STIM1: variants seen among roughly 807,000 people sequenced by gnomAD.
STIM1 encodes the protein stromal interaction molecule 1.
A neutral mutation model predicts 74.7 loss-of-function variants in STIM1; 25 were observed. The observed-to-expected ratio is 0.33, with a 90% confidence interval of 0.24 to 0.47. The LOEUF (loss-of-function observed/expected upper bound fraction) is 0.47, where lower values mean the gene tolerates loss of function less well. Among genes scored for constraint, STIM1 ranks in the 20% least tolerant of loss-of-function variants. STIM1 has a pLI of 1.00. For synonymous variants in STIM1, 328 were observed against 348.8 expected (o/e 0.94, Z 0.66); for missense variants, 728 against 920.8 (o/e 0.79, Z 2.71).
At chr11:4,013,546 G>A (rs915372152) in intron 2 of STIM1, among the ~76,000 whole-genome samples, 2 of 151,326 alleles carry the variant, frequency 1.3e-5, no homozygotes, top group Non-Finnish European at 2.9e-5. Flanking sequence ...TTGTGTAGAG[G>A]TGTTTATAGT....
chr11:3,883,048 A>G (rs2091576223), intron 1 of STIM1, among the ~76,000 whole-genome samples: 1 of 151,898 alleles, frequency 6.6e-6, no homozygotes, highest in Non-Finnish European at 1.5e-5. Context: ...AGTTCTTTAT[A>G]TATTCTGGAT....
chr11:3,911,075 T>G (rs1419727791), intron 1 of STIM1, among the ~76,000 whole-genome samples: 1 of 152,180 alleles, frequency 6.6e-6, no homozygotes, highest in Non-Finnish European at 1.5e-5. Context: ...GGATTTGCCT[T>G]CCTTCTGTAA....
chr11:4,041,802 G>T (rs1471694649), intron 3 of STIM1, among the ~76,000 whole-genome samples: 1 of 152,080 alleles, frequency 6.6e-6, no homozygotes, highest in Non-Finnish European at 1.5e-5. Context: ...GCCCAGGCTG[G>T]TCTTGAACTC....
rs369937432 is a variant in STIM1 at position 3,932,053 on chromosome 11, T to G, written c.140-35499T>G. ...GCCTGTTGCTCCTGGGCTGTGTGGT[T>G]TTCCTGTCCAGCCTGCTGCGACTGG... On this transcript the variant is annotated intron_variant, in intron 1 of 12. Coordinates refer to ENST00000526596, the MANE Select transcript of STIM1 (RefSeq NM_001382567.1). 1.4e-4 allele frequency among the ~76,000 whole-genome samples: 21 copies of G among 152,260 alleles called. No individual in the cohort carries two copies. The South Asian group carries it at 3.3e-3, about 24-fold the overall frequency.
At chr11:4,031,010 G>A (rs2094045280) in intron 3 of STIM1, among the ~76,000 whole-genome samples, 1 of 152,168 alleles carries the variant, frequency 6.6e-6, no homozygotes, top group Admixed American at 6.6e-5. Flanking sequence ...ATTAAAGATG[G>A]TGAATATATT....
chr11:4,072,386 A>T (rs1362632553), intron 6 of STIM1, among the ~76,000 whole-genome samples: 3 of 152,242 alleles, frequency 2.0e-5, no homozygotes, highest in African/African-American at 7.2e-5. Flanking sequence ...AATTCTACAT[A>T]TACAGTCCAG....
chr11:4,025,513 C>A (rs2093991715), intron 3 of STIM1, among the ~76,000 whole-genome samples: 1 of 151,954 alleles, frequency 6.6e-6, no homozygotes, highest in African/African-American at 2.4e-5. Flanking sequence ...CCAGCGGTGC[C>A]AGGAAAAAAT....
At chr11:4,016,970 G>T (rs2093904334) in intron 2 of STIM1, among the ~76,000 whole-genome samples, 1 of 152,236 alleles carries the variant, frequency 6.6e-6, no homozygotes, top group South Asian at 2.1e-4. Context: ...ACCAGGTAGA[G>T]TCACTCACGG....
intron 1 of STIM1, among the ~76,000 whole-genome samples, chr11:3,858,730 T>A (rs1458422830): frequency 6.6e-6 from 1 of 152,250 alleles, no homozygotes; most frequent in Non-Finnish European, 1.5e-5. Context: ...CTACTACTTT[T>A]AAAAATCAGA....
chr11:3,911,845 T>G (rs1447618668), intron 1 of STIM1, among the ~76,000 whole-genome samples: 3 of 152,236 alleles, frequency 2.0e-5, no homozygotes, highest in African/African-American at 7.2e-5. Context: ...GCATTGTGGT[T>G]GCTTTGTATG....
At chr11:4,005,028 A>G (rs531132442) in intron 2 of STIM1, among the ~76,000 whole-genome samples, 4 of 152,368 alleles carry the variant, frequency 2.6e-5, no homozygotes, top group African/African-American at 4.8e-5. Flanking sequence ...CAAAGCCACA[A>G]TGAGATAGCA....
At chr11:3,944,979 C>A (rs999102484) in intron 1 of STIM1, among the ~76,000 whole-genome samples, 6 of 152,126 alleles carry the variant, frequency 3.9e-5, no homozygotes, top group Non-Finnish European at 7.4e-5. Flanking sequence ...CAGCAAGGCC[C>A]CTCCATATTC....
At chr11:4,084,551 C>A in intron 10 of STIM1, 122 bp from the exon 11 acceptor site, 1 of 671,690 alleles carries the variant, frequency 1.5e-6, no homozygotes, top group Non-Finnish European at 2.3e-6. Context: ...CTGGGAGGGA[C>A]CTTAATTAGC....
At chr11:3,909,849 T>G (rs142874749) in intron 1 of STIM1, among the ~76,000 whole-genome samples, 21 of 148,828 alleles carry the variant, frequency 1.4e-4, no homozygotes, top group African/African-American at 4.9e-4. Context: ...GTCAATAACA[T>G]ATGTAAAGAA....
At chr11:3,951,252 A>G (rs1017231388) in intron 1 of STIM1, among the ~76,000 whole-genome samples, 3 of 152,206 alleles carry the variant, frequency 2.0e-5, no homozygotes, top group Non-Finnish European at 4.4e-5. Context: ...CTGCAGGAAG[A>G]GAGTCAGAAC....
intron 2 of STIM1, among the ~76,000 whole-genome samples, chr11:3,969,841 A>G (rs1474088848): frequency 6.6e-6 from 1 of 152,238 alleles, no homozygotes; most frequent in African/African-American, 2.4e-5. Flanking sequence ...GACAACGACC[A>G]TGATGTAAGT....
chr11:3,997,511 G>A (rs1014190244), intron 2 of STIM1, among the ~76,000 whole-genome samples: 5 of 152,208 alleles, frequency 3.3e-5, no homozygotes, highest in Admixed American at 2.6e-4. Flanking sequence ...AAAATTTTAA[G>A]AGTGAACACT....
In STIM1 at chr11:3,956,555, G is replaced by A. The variant is rs539315381; in HGVS notation, c.140-10997G>A. 1.1e-3 allele frequency among the ~76,000 whole-genome samples: 173 copies of A among 152,186 alleles called. 1 individual carries two copies. The highest frequency in any genetic ancestry group is 4.0e-3 in the African/African-American group (165 of 41,538). On this transcript the variant is annotated intron_variant, in intron 1 of 12. Transcript: ENST00000526596. ...AACATAATTTTAGGACTTGGTAATA[G>A]TAATTTCTTTAAATAGTAACTGAAG...
At chr11:4,044,986 C>T (rs774329672) in intron 3 of STIM1, among the ~76,000 whole-genome samples, 4 of 152,126 alleles carry the variant, frequency 2.6e-5, no homozygotes, top group African/African-American at 4.8e-5. Flanking sequence ...GAAGGATTAT[C>T]TCATCTAAAA....
Sources: allele counts gnomAD v4.1 joint callset (sites outside exome capture counted in the v4.1 genomes callset), GRCh38; gene constraint gnomAD v4.1.1; transcripts MANE v1.5; gene names NCBI Gene and HGNC (gene_info 2026-07-23, HGNC 2026-07-21).